CEP192: variants seen among roughly 807,000 people sequenced by gnomAD.
CEP192 encodes centrosomal protein 192.
Under a neutral mutation model 271.8 loss-of-function variants are expected in CEP192, and 151 were observed. That is an observed-to-expected ratio of 0.56 (90% CI 0.49 to 0.64). CEP192 has a LOEUF of 0.64. Ranked by LOEUF, CEP192 falls within the 30% of genes least tolerant of loss-of-function variation. CEP192 has a pLI of 0.00. For missense variants in CEP192, 2,910 were observed against 3,020.5 expected (o/e 0.96, Z 0.86); for synonymous variants, 995 against 1,076.5 (o/e 0.92, Z 1.48).
intron 12 of CEP192, among the ~76,000 whole-genome samples, chr18:13,037,818 G>T (rs1269106818): frequency 6.6e-6 from 1 of 151,858 alleles, no homozygotes; most frequent in Non-Finnish European, 1.5e-5. Flanking sequence ...GCCTCCCAAA[G>T]TGCTGGGATT....
chr18:13,069,469 G>A (rs146470325), intron 26 of CEP192, among the ~76,000 whole-genome samples: 2 of 152,186 alleles, frequency 1.3e-5, no homozygotes, highest in African/African-American at 4.8e-5. Flanking sequence ...AGAATGATCC[G>A]CACACGTTGA....
intron 3 of CEP192, among the ~76,000 whole-genome samples, chr18:13,003,569 A>G (rs1358693628): frequency 1.3e-5 from 2 of 152,098 alleles, no homozygotes; most frequent in African/African-American, 2.4e-5. Context: ...TGAAGGAACT[A>G]AGGCAGGAGA....
chr18:13,076,395 TTG>T (rs72198435), intron 30 of CEP192, among the ~76,000 whole-genome samples: 20,753 of 152,016 alleles, frequency 0.14, 1,555 homozygotes, highest in East Asian at 0.31. Context: ...CAGCTGATTT[TTG>T]TGTTTTTAGT....
intron 6 of CEP192, 56 bp downstream of exon 6, chr18:13,015,504 C>A (rs1300151537): frequency 3.3e-6 from 5 of 1,530,304 alleles, no homozygotes; most frequent in Non-Finnish European, 4.4e-6. Context: ...CCACTTTATT[C>A]TTCTTTGTTG....
At chr18:12,996,582 G>C (rs900568964) in intron 1 of CEP192, among the ~76,000 whole-genome samples, 7 of 152,272 alleles carry the variant, frequency 4.6e-5, no homozygotes, top group Non-Finnish European at 7.4e-5. Flanking sequence ...CAGAGAGGGT[G>C]AGTTGATGGA....
intron 44 of CEP192, among the ~76,000 whole-genome samples, chr18:13,122,124 C>T (rs2040690504): frequency 1.3e-5 from 2 of 152,118 alleles, no homozygotes; most frequent in Admixed American, 1.3e-4. Flanking sequence ...CCTGTCTCTA[C>T]TAAAAATGCA....
Position 13,087,049 on chromosome 18 carries a change from T to C in CEP192, c.5649T>C (p.Asn1883=), listed in dbSNP as rs1389119767. Residue 1883 remains asparagine (N), a synonymous_variant, in exon 31 of 45, where the codon AAT becomes AAC. Transcript: ENST00000506447. ...IPLSGYGGTS[N]LILEGVKKLS... ...TGTCTGGATATGGAGGAACAAGCAA[T>C]CTTATTTTGGAAGGCGTTAAAAAAT... 4 of 1,612,614 alleles carry C rather than the reference T, an allele frequency of 2.5e-6. No individual in the cohort carries two copies. Among genetic ancestry groups the C allele is most frequent in the Non-Finnish European group, 2.5e-6 (3 of 1,178,688 alleles).
Position 13,001,502 on chromosome 18 carries a change from A to C in CEP192, c.210A>C (p.Ser70=), listed in dbSNP as rs2033641657. The stretch of plus-strand genomic sequence containing the variant: ...CTTACTTAGTAGAAGGGAGATTTTC[A>C]GTTCCATCCGGGTCATCTCCCGGAA... The part of the protein sequence containing the change: ...QASYLVEGRF[S]VPSGSSPGSQ... The change falls in exon 3 of 45, where the codon TCA becomes TCC. Residue 70 remains serine, a synonymous_variant. Coordinates refer to ENST00000506447, the MANE Select transcript of CEP192 (RefSeq NM_032142.4). 6.5e-7 allele frequency: 1 copy of C among 1,549,966 alleles called. No individual in the cohort carries two copies. The highest frequency in any genetic ancestry group is 1.2e-5 in the South Asian group (1 of 83,980).
chr18:13,011,262 C>T lies in CEP192; in HGVS notation c.467-1711C>T, dbSNP rs1226704897. Reference sequence around the variant, plus strand: ...AAAAGAAACAATAAAAACAGAACCACAATGAGATGCTGCTTCACACTCACT... The same window carrying T: ...AAAAGAAACAATAAAAACAGAACCATAATGAGATGCTGCTTCACACTCACT... On this transcript the variant is annotated intron_variant, in intron 4 of 44. Transcript: ENST00000506447. 2.0e-5 allele frequency among the ~76,000 whole-genome samples: 3 copies of T among 150,238 alleles called. No homozygotes were observed. In the East Asian group the frequency reaches 5.8e-4, roughly 29 times the overall value.
At chr18:13,121,406 T>C (rs550311055) in intron 44 of CEP192, among the ~76,000 whole-genome samples, 15 of 152,308 alleles carry the variant, frequency 9.8e-5, no homozygotes, top group African/African-American at 3.4e-4. Flanking sequence ...GCTCCAGCAC[T>C]AGCACAGGAA....
chr18:13,061,117 G>T (rs1373245450), intron 21 of CEP192, among the ~76,000 whole-genome samples: 1 of 152,184 alleles, frequency 6.6e-6, no homozygotes, highest in African/African-American at 2.4e-5. Context: ...GAGGTCAGGA[G>T]TTAGCAACCA....
intron 2 of CEP192, 92 bp downstream of exon 2, chr18:12,999,680 TTTG>T: frequency 3.1e-6 from 3 of 982,670 alleles, no homozygotes; most frequent in Admixed American, 7.4e-5. Context: ...GCTTGAGCTT[TTTG>T]TTTTATCTAT....
rs1462452120 is a variant in CEP192 at position 12,999,507 on chromosome 18, A to G, written c.83A>G (p.Glu28Gly). Residue 28 changes from glutamate (E) to glycine (G), a missense_variant, in exon 2 of 45, where the codon GAA (glutamate) becomes GGA (glycine). Coordinates refer to ENST00000506447, the MANE Select transcript of CEP192 (RefSeq NM_032142.4). ...NSLFGNSGIL[E>G]NVTLSSNLGL... ...TTATTTGGTAACAGTGGGATTTTGG[A>G]AAATGTCACTCTTTCTTCAAATCTT... 2 of 1,551,106 alleles carry G rather than the reference A, an allele frequency of 1.3e-6. No individual in the cohort carries two copies. The highest frequency in any genetic ancestry group is 3.9e-5 in the Admixed American group (2 of 50,858).
chr18:13,063,206 A>C (rs1445809306), intron 21 of CEP192, among the ~76,000 whole-genome samples: 2 of 152,156 alleles, frequency 1.3e-5, no homozygotes, highest in Non-Finnish European at 1.5e-5. Context: ...TAATATACTG[A>C]TTTCCTTTCT....
In CEP192 at chr18:13,030,015, T is replaced by G. The variant is rs1456591750; in HGVS notation, c.1390+13T>G. ...AAGAATAAAGACAGTAAGTGGACTT[T>G]TTAAAAAATAGAGTGAAAGAAATAG... On this transcript the variant is annotated intron_variant, in intron 10 of 44. Coordinates refer to ENST00000506447, the MANE Select transcript of CEP192 (RefSeq NM_032142.4). The G allele has an allele frequency of 4.0e-6, 6 of 1,512,568 alleles. No individual in the cohort carries two copies. Among genetic ancestry groups the G allele is most frequent in the Admixed American group, 4.3e-5 (2 of 46,952 alleles). The allele number at this position is 1,512,568 out of a possible 1,614,324, so 93.7% of individuals were successfully genotyped here. A position where few individuals can be genotyped will look rare whatever the true frequency, so the allele number is the denominator to read the frequency against.
At chr18:13,087,369 T>G (rs1411821064) in intron 31 of CEP192, 92 bp downstream of exon 31, 3 of 1,177,414 alleles carry the variant, frequency 2.5e-6, no homozygotes, top group Non-Finnish European at 3.5e-6. Flanking sequence ...AAATAATACT[T>G]GAAAATAATG....
intron 39 of CEP192, chr18:13,104,105 G>T: frequency 6.5e-6 from 2 of 308,050 alleles, no homozygotes; most frequent in Non-Finnish European, 6.4e-6. Context: ...GAATATGTGT[G>T]GAAATACATG....
chr18:13,118,248 T>A (rs2040520231), intron 44 of CEP192, among the ~76,000 whole-genome samples: 1 of 152,002 alleles, frequency 6.6e-6, no homozygotes, highest in African/African-American at 2.4e-5. Context: ...TGAAGAATAA[T>A]TTTAATTTCA....
intron 5 of CEP192, among the ~76,000 whole-genome samples, chr18:13,014,244 A>G (rs1489719955): frequency 1.3e-5 from 2 of 152,236 alleles, no homozygotes; most frequent in Non-Finnish European, 2.9e-5. Context: ...TTTGAAATTA[A>G]TAATATAAGG....
Sources: gnomAD v4.1 joint callset for allele counts (sites outside exome capture counted in the v4.1 genomes callset) on GRCh38, gnomAD v4.1.1 for gene constraint, MANE v1.5 for transcripts, NCBI Gene and HGNC (gene_info 2026-07-23, HGNC 2026-07-21) for gene names.